RASA2: variants seen among roughly 807,000 people sequenced by gnomAD.
RASA2 encodes the protein RAS p21 protein activator 2.
A neutral mutation model predicts 118.2 loss-of-function variants in RASA2; 155 were observed. The ratio of observed to expected loss-of-function variants is 1.31; its 90% CI spans 1.15 to 1.50. RASA2 has a LOEUF of 1.50. Ranked by LOEUF, RASA2 falls within the 40% of genes most tolerant of loss-of-function variation. RASA2 has a pLI of 0.00. For synonymous variants in RASA2, 353 were observed against 349.1 expected (o/e 1.01, Z -0.12); for missense variants, 1,016 against 1,009.6 (o/e 1.01, Z -0.09).
Position 141,555,914 on chromosome 3 carries a change from T to A in RASA2, c.684+2T>A. ...TTTAATGAAATCTTTTATTTTGAGG[T>A]AATTTTTTGTTTTACGTAAATGTTA... On this transcript the variant is annotated splice_donor_variant, in intron 7 of 23. Transcript: ENST00000286364. LOFTEE classifies it high-confidence loss of function. The A allele has an allele frequency of 6.3e-7, 1 of 1,599,732 alleles. No individual in the cohort carries two copies.
intron 16 of RASA2, among the ~76,000 whole-genome samples, chr3:141,580,858 A>G (rs1304577361): frequency 6.6e-6 from 1 of 151,908 alleles, no homozygotes; most frequent in Non-Finnish European, 1.5e-5. Flanking sequence ...AGACAGTTTC[A>G]TGAAAACTGC....
intron 1 of RASA2, among the ~76,000 whole-genome samples, chr3:141,502,537 T>G (rs1393687809): frequency 6.6e-6 from 1 of 152,180 alleles, no homozygotes; most frequent in Non-Finnish European, 1.5e-5. Context: ...GTGCTCTTCT[T>G]GTTGCCACCC....
intron 1 of RASA2, among the ~76,000 whole-genome samples, chr3:141,508,084 T>A (rs1044745208): frequency 6.6e-6 from 1 of 152,078 alleles, no homozygotes; most frequent in African/African-American, 2.4e-5. Flanking sequence ...GAGAAACTCA[T>A]TTGTTTCTTT....
At chr3:141,501,837 A>G (rs1410735558) in intron 1 of RASA2, among the ~76,000 whole-genome samples, 3 of 152,160 alleles carry the variant, frequency 2.0e-5, no homozygotes, top group Non-Finnish European at 4.4e-5. Context: ...TTAAATGTGC[A>G]TTAGATTCAT....
chr3:141,515,263 T>C (rs115759986), intron 2 of RASA2, among the ~76,000 whole-genome samples: 1 of 152,270 alleles, frequency 6.6e-6, no homozygotes, highest in East Asian at 1.9e-4. Context: ...TAAAAAAAAA[T>C]TTTGAAGTAG....
chr3:141,609,533 C>T lies in RASA2; in HGVS notation c.2329+10C>T. On this transcript the variant is annotated intron_variant, in intron 22 of 23. Transcript: ENST00000286364. Reference sequence around the variant, plus strand: ...CTGCAGAAGATGGAAGGTAAATACACAATCTATTTTTATATAACCATAATC... The same window carrying T: ...CTGCAGAAGATGGAAGGTAAATACATAATCTATTTTTATATAACCATAATC... 5 of 1,522,228 alleles carry T rather than the reference C, an allele frequency of 3.3e-6. 1 individual carries two copies. The South Asian group carries it at 4.6e-5, about 14-fold the overall frequency. 94.3% of individuals were successfully genotyped at this position (1,522,228 alleles called of 1,614,324 possible).
At chr3:141,596,047 C>T (rs368406779) in intron 19 of RASA2, among the ~76,000 whole-genome samples, 3 of 152,194 alleles carry the variant, frequency 2.0e-5, no homozygotes, top group Admixed American at 6.5e-5. Flanking sequence ...TTATGGGACA[C>T]TAGGCCAAAC....
intron 1 of RASA2, among the ~76,000 whole-genome samples, chr3:141,505,447 A>G (rs2081851218): frequency 6.6e-6 from 1 of 152,282 alleles, no homozygotes; most frequent in African/African-American, 2.4e-5. Context: ...GATGCCCTTA[A>G]GCAGAGCTCT....
chr3:141,511,012 TGTTC>T (rs1289027847), intron 1 of RASA2, among the ~76,000 whole-genome samples: 4 of 152,158 alleles, frequency 2.6e-5, no homozygotes, highest in African/African-American at 9.7e-5. Context: ...CTCTCATGTT[TGTTC>T]GAATAAAAGA....
chr3:141,487,715 G>A (rs2081595464), intron 1 of RASA2, among the ~76,000 whole-genome samples: 1 of 152,150 alleles, frequency 6.6e-6, no homozygotes, highest in Non-Finnish European at 1.5e-5. Context: ...GAGGGGAGGG[G>A]GCTGTTCGTT....
At chr3:141,507,733 T>C (rs1312627711) in intron 1 of RASA2, among the ~76,000 whole-genome samples, 2 of 152,202 alleles carry the variant, frequency 1.3e-5, no homozygotes, top group Non-Finnish European at 2.9e-5. Flanking sequence ...CAAATACTGC[T>C]GTGAACATGA....
chr3:141,608,870 C>T (rs1183989898), intron 21 of RASA2, among the ~76,000 whole-genome samples, 173 bp downstream of exon 21: 1 of 152,156 alleles, frequency 6.6e-6, no homozygotes, highest in Non-Finnish European at 1.5e-5. Context: ...CACGTATTAT[C>T]TGATAACATT....
intron 19 of RASA2, among the ~76,000 whole-genome samples, chr3:141,596,665 A>T (rs867004991): frequency 5.3e-5 from 8 of 152,250 alleles, no homozygotes; most frequent in Middle Eastern, 3.2e-3. Context: ...TATCAAAGAG[A>T]TTATACAAGT....
chr3:141,573,056 A>AT (rs1366087724), intron 12 of RASA2, 91 bp from the exon 13 acceptor site: 5 of 1,136,482 alleles, frequency 4.4e-6, no homozygotes, highest in Non-Finnish European at 6.0e-6. Flanking sequence ...TTAAATTTCT[A>AT]TAATTAACTT....
At chr3:141,572,061 T>TACACACAC (rs374643522) in intron 11 of RASA2, among the ~76,000 whole-genome samples, 2 of 98,268 alleles carry the variant, frequency 2.0e-5, no homozygotes, top group Non-Finnish European at 3.8e-5. Flanking sequence ...TATATATATA[T>TACACACAC]ACACACACAC....
At chr3:141,529,611 A>G in intron 3 of RASA2, 97 bp from the exon 4 acceptor site, 1 of 737,684 alleles carries the variant, frequency 1.4e-6, no homozygotes, top group Non-Finnish European at 2.0e-6. Flanking sequence ...AAATCATTTT[A>G]AAATATTTTC....
At chr3:141,609,835 T>C (rs2083608807) in intron 22 of RASA2, 42 bp from the exon 23 acceptor site, 1 of 1,473,750 alleles carries the variant, frequency 6.8e-7, no homozygotes, top group East Asian at 2.4e-5. Flanking sequence ...ATTTATAGAA[T>C]TTAGTTGTCT....
intron 23 of RASA2, among the ~76,000 whole-genome samples, chr3:141,611,787 A>T (rs1417171690): frequency 6.6e-6 from 1 of 152,168 alleles, no homozygotes; most frequent in Non-Finnish European, 1.5e-5. Flanking sequence ...CTCAATTAGA[A>T]AGGTTATTAG....
At chr3:141,520,671 T>C (rs1203809962) in intron 3 of RASA2, among the ~76,000 whole-genome samples, 1 of 152,156 alleles carries the variant, frequency 6.6e-6, no homozygotes, top group East Asian at 1.9e-4. Context: ...CACACATATA[T>C]ACACATACAC....
Sources: gnomAD v4.1 joint callset for allele counts (sites outside exome capture counted in the v4.1 genomes callset) on GRCh38, gnomAD v4.1.1 for gene constraint, MANE v1.5 for transcripts, NCBI Gene and HGNC (gene_info 2026-07-23, HGNC 2026-07-21) for gene names.